Variants in NTAQ1 observed in about 807,000 individuals in gnomAD.
NTAQ1 encodes the protein protein N-terminal glutamine amidohydrolase.
NTAQ1 carries 21 observed loss-of-function variants against 28.2 expected under a neutral mutation model. The observed-to-expected ratio is 0.74, with a 90% CI of 0.53 to 1.07. NTAQ1 has a LOEUF of 1.07. Ranked by LOEUF, NTAQ1 falls within the 50% of genes least tolerant of loss-of-function variation. The pLI, the probability that NTAQ1 is intolerant of heterozygous loss-of-function variation, is 0.00. For missense variants in NTAQ1, 264 were observed against 256.6 expected (o/e 1.03, Z -0.20); for synonymous variants, 105 against 90.0 (o/e 1.17, Z -0.94).
At chr8:123,440,923 T>C (rs1293211721) in intron 5 of NTAQ1, among the ~76,000 whole-genome samples, 1 of 152,184 alleles carries the variant, frequency 6.6e-6, no homozygotes, top group African/African-American at 2.4e-5. Flanking sequence ...ACATGAATTA[T>C]TTCTAGCCCT....
chr8:123,427,475 T>G (rs13270565), intron 1 of NTAQ1, among the ~76,000 whole-genome samples: 54,899 of 151,586 alleles, frequency 0.36, 10,041 homozygotes, highest in East Asian at 0.56. Context: ...CTGGTCTCTC[T>G]GCCAGGCTGG....
intron 1 of NTAQ1, among the ~76,000 whole-genome samples, chr8:123,417,361 G>T: frequency 6.6e-6 from 1 of 152,098 alleles, no homozygotes; most frequent in East Asian, 1.9e-4. Context: ...TATATGCCAC[G>T]CGTTGTTCTG....
At chr8:123,474,570 C>A (rs1317991232), downstream of NTAQ1, among the ~76,000 whole-genome samples, 1 of 152,164 alleles carries the variant, frequency 6.6e-6, no homozygotes, top group African/African-American at 2.4e-5. Context: ...TACCATTTTT[C>A]CCTCAGTGAC....
chr8:123,469,224 A>G (rs1036444781), exon 7 of NTAQ1, among the ~76,000 whole-genome samples: 1 of 152,168 alleles, frequency 6.6e-6, no homozygotes, highest in Non-Finnish European at 1.5e-5. Context: ...TTTAAGTTTG[A>G]TATAATTCCA....
At chr8:123,423,476 A>G (rs940611243) in intron 1 of NTAQ1, among the ~76,000 whole-genome samples, 1 of 135,980 alleles carries the variant, frequency 7.4e-6, no homozygotes, top group Admixed American at 7.9e-5. Flanking sequence ...GGGTCTTGCT[A>G]CATTGCCTAG....
intron 1 of NTAQ1, among the ~76,000 whole-genome samples, chr8:123,420,574 G>A (rs549503602): frequency 2.8e-5 from 4 of 141,400 alleles, no homozygotes; most frequent in East Asian, 4.2e-4. Flanking sequence ...ACTTGCCAGC[G>A]TCTGTTATTT....
At chr8:123,447,876 G>A (rs1443266409) in intron 6 of NTAQ1, among the ~76,000 whole-genome samples, 1 of 152,222 alleles carries the variant, frequency 6.6e-6, no homozygotes, top group African/African-American at 2.4e-5. Flanking sequence ...CAGCAACAGA[G>A]CTGTGACTGG....
downstream of NTAQ1, among the ~76,000 whole-genome samples, chr8:123,452,190 C>G (rs565311928): frequency 9.8e-5 from 15 of 152,372 alleles, no homozygotes; most frequent in African/African-American, 3.6e-4. Context: ...AAGCTGACCA[C>G]TCAGCCTAGC....
intron 6 of NTAQ1, among the ~76,000 whole-genome samples, chr8:123,462,389 TAGAA>T (rs1344317456): frequency 1.3e-5 from 2 of 152,172 alleles, no homozygotes; most frequent in African/African-American, 4.8e-5. Context: ...TATAACTTTG[TAGAA>T]AGAACATTGG....
intron 2 of NTAQ1, 76 bp from the exon 3 acceptor site, chr8:123,429,906 CA>C (rs372581225): frequency 0.1 from 57,309 of 575,432 alleles, 2 homozygotes; most frequent in South Asian, 0.13. Context: ...AATCCCGTCT[CA>C]AAAAAAAAAA....
At chr8:123,439,994 A>T (rs189500085) in intron 5 of NTAQ1, among the ~76,000 whole-genome samples, 5 of 151,950 alleles carry the variant, frequency 3.3e-5, no homozygotes, top group Admixed American at 3.3e-4. Context: ...CATGTTTTAG[A>T]TACATGCATT....
chr8:123,437,418 G>C (rs997292539), intron 5 of NTAQ1, 84 bp downstream of exon 5: 9 of 1,562,274 alleles, frequency 5.8e-6, no homozygotes, highest in Non-Finnish European at 7.8e-6. Flanking sequence ...ACAAAAGTCA[G>C]GTTGTTCTTT....
At chr8:123,430,912 T>C (rs527397369) in intron 3 of NTAQ1, among the ~76,000 whole-genome samples, 1 of 152,316 alleles carries the variant, frequency 6.6e-6, no homozygotes, top group East Asian at 1.9e-4. Flanking sequence ...CCCTTTATTT[T>C]TCAGGGAAGA....
downstream of NTAQ1, among the ~76,000 whole-genome samples, chr8:123,449,859 TTCTCTCTCTCTCTCTC>T (rs112959997): frequency 2.2e-4 from 24 of 111,254 alleles, no homozygotes; most frequent in South Asian, 3.4e-4. Context: ...GCTCGCTGCT[TTCTCTCTCTCTCTCTC>T]TCTCTCTCTC....
intron 1 of NTAQ1, among the ~76,000 whole-genome samples, chr8:123,426,099 C>G (rs1277457975): frequency 6.6e-6 from 1 of 152,202 alleles, no homozygotes; most frequent in Non-Finnish European, 1.5e-5. Flanking sequence ...TAGTGTACCT[C>G]ATTTTGAGCA....
rs201538858 is a variant in NTAQ1, at chr8:123,437,300, G to C, written c.474G>C (p.Glu158Asp). 1.9e-4 allele frequency: 314 copies of C among 1,613,960 alleles called. No homozygotes were observed. The highest frequency in any genetic ancestry group is 1.8e-4 in the Admixed American group (11 of 59,992). ...HMKDSSGNWR[E>D]PPPPYPCIET... Reference sequence around the variant, plus strand: ...AAGACTCCAGTGGGAATTGGAGAGAGCCTCCGCCGCCATATCCCTGCATTG... The same window carrying C: ...AAGACTCCAGTGGGAATTGGAGAGACCCTCCGCCGCCATATCCCTGCATTG... The change falls in exon 5 of 6, where the codon GAG becomes GAC. Residue 158 changes from glutamate to aspartate, a missense_variant. By Grantham distance (45) the Glu-to-Asp change is conservative (BLOSUM62 2). Transcript: ENST00000287387.
chr8:123,419,981 G>A (rs1397673186), intron 1 of NTAQ1, among the ~76,000 whole-genome samples: 2 of 151,934 alleles, frequency 1.3e-5, no homozygotes, highest in Non-Finnish European at 2.9e-5. Flanking sequence ...AAGTGTATGT[G>A]TTGGGGGTTT....
chr8:123,436,568 A>C lies in NTAQ1; in HGVS notation c.350A>C (p.Lys117Thr). The change falls in exon 4 of 6, where the codon AAG (lysine) becomes ACG (threonine). Residue 117 changes from lysine to threonine, a missense_variant. Lys to Thr is a moderately conservative substitution (Grantham distance 78). Transcript: ENST00000287387. ...GACACTTATGTAGAAGATGCCTTTAAGTCTGATGATGACATTCACCCACAG... is the reference window on the plus strand; with the variant it reads ...GACACTTATGTAGAAGATGCCTTTACGTCTGATGATGACATTCACCCACAG... ...LFDTYVEDAF[K>T]SDDDIHPQFR... 1 of 1,613,984 alleles carries C rather than the reference A, an allele frequency of 6.2e-7. No individual in the cohort carries two copies. The highest frequency in any genetic ancestry group is 8.5e-7 in the Non-Finnish European group (1 of 1,179,942).
At chr8:123,473,915 A>T (rs1041859590), downstream of NTAQ1, among the ~76,000 whole-genome samples, 30 of 152,086 alleles carry the variant, frequency 2.0e-4, no homozygotes, top group African/African-American at 4.6e-4. Flanking sequence ...TTTTTTTTTT[A>T]AATTGCATTG....
Sources: gnomAD v4.1 joint callset for allele counts (sites outside exome capture counted in the v4.1 genomes callset) on GRCh38, gnomAD v4.1.1 for gene constraint, MANE v1.5 for transcripts, NCBI Gene and HGNC (gene_info 2026-07-23, HGNC 2026-07-21) for gene names.